ADGRE2: variants seen among roughly 807,000 people sequenced by gnomAD.
ADGRE2 encodes the protein CD97 antigen.
Under a neutral mutation model 100.8 loss-of-function variants are expected in ADGRE2, and 83 were observed. The observed-to-expected ratio is 0.82, with a 90% CI of 0.69 to 0.99. The LOEUF (loss-of-function observed/expected upper bound fraction) is 0.99. ADGRE2 is among the 50% of genes least tolerant of loss of function. The probability of loss-of-function intolerance (pLI) is 0.00; values close to 1 mark genes in which losing one functional copy is unlikely to be tolerated. For synonymous variants in ADGRE2, 355 were observed against 413.0 expected, an observed-to-expected ratio of 0.86 and a Z score of 1.70; for missense variants, 814 against 1,035.7, an observed-to-expected ratio of 0.79 and a Z score of 2.94.
Position 14,746,390 on chromosome 19 carries a change from T to TTTTTC in ADGRE2, c.2092-68_2092-67insGAAAA, listed in dbSNP as rs59231835. ...CCTGTTATCTCTTTTTTTTTTTTTT[T>TTTTTC]CAGACAGGGTCTTGCTCTGTTGCCC... On this transcript the variant is annotated intron_variant, in intron 17 of 20. Coordinates refer to ENST00000315576, the MANE Select transcript of ADGRE2 (RefSeq NM_013447.4). 1.2e-4 allele frequency: 101 copies of TTTTTC among 846,088 alleles called. 1 individual carries two copies. The African/African-American group carries it at 1.5e-3, about 12-fold the overall frequency. 52.4% of individuals were successfully genotyped at this position (846,088 alleles called of 1,614,324 possible).
At chr19:14,748,009 T>C (rs2043143420) in intron 16 of ADGRE2, among the ~76,000 whole-genome samples, 1 of 152,144 alleles carries the variant, frequency 6.6e-6, no homozygotes, top group Non-Finnish European at 1.5e-5. Context: ...CAGAGGTACA[T>C]TTTGTAGGTT....
In ADGRE2 at chr19:14,752,565, C is replaced by A. The variant is rs561221802; in HGVS notation, c.1591-39G>T. ...AAGAAGAGTTCACAGTGATGCTTTC[C>A]TGCTCTGGGGTAATGACCCCACCAC... On this transcript the variant is annotated intron_variant, in intron 14 of 20. Coordinates refer to ENST00000315576, the MANE Select transcript of ADGRE2 (RefSeq NM_013447.4). 5 of 1,603,064 alleles carry A rather than the reference C, an allele frequency of 3.1e-6. No homozygotes were observed. The South Asian group carries it at 5.6e-5, about 18-fold the overall frequency.
In ADGRE2 at chr19:14,755,011, G is replaced by A; in HGVS notation, c.1533C>T (p.Ile511=). The change falls in exon 14 of 21, where the codon ATC becomes ATT. Residue 511 remains isoleucine (I), a synonymous_variant. Coordinates refer to ENST00000315576, the MANE Select transcript of ADGRE2 (RefSeq NM_013447.4). ...AGCTGCTCAGGTGGGTGCAACGGCAGATGGTGCTGGTGTCTCTGGTGCCTA... is the reference window on the plus strand; with the variant it reads ...AGCTGCTCAGGTGGGTGCAACGGCAAATGGTGCTGGTGTCTCTGGTGCCTA... ...STIGTRDTST[I]CRCTHLSSFA... The A allele has an allele frequency of 6.2e-7, 1 of 1,614,188 alleles. No homozygotes were observed. The highest frequency in any genetic ancestry group is 1.1e-5 in the South Asian group (1 of 91,086).
chr19:14,727,461 C>G (rs2042641116), downstream of ADGRE2, among the ~76,000 whole-genome samples: 1 of 152,158 alleles, frequency 6.6e-6, no homozygotes, highest in African/African-American at 2.4e-5. Context: ...AGGCACATCA[C>G]ATAGTGAGAC....
At chr19:14,753,203 T>G (rs2043357674) in intron 14 of ADGRE2, among the ~76,000 whole-genome samples, 1 of 151,750 alleles carries the variant, frequency 6.6e-6, no homozygotes, top group African/African-American at 2.4e-5. Flanking sequence ...CCCGTTAGGT[T>G]TTGAAGGGAA....
intron 20 of ADGRE2, chr19:14,742,217 T>A: frequency 5.0e-6 from 2 of 396,190 alleles, no homozygotes; most frequent in Middle Eastern, 1.3e-3. Context: ...TTTAAAACTT[T>A]ATTTATTTAA....
At chr19:14,763,187 CA>C (rs2043791758) in intron 11 of ADGRE2, among the ~76,000 whole-genome samples, 1 of 151,676 alleles carries the variant, frequency 6.6e-6, no homozygotes, top group South Asian at 2.1e-4. Flanking sequence ...ACTAAAAATA[CA>C]AAAAATTAGC....
chr19:14,770,861 G>A (rs926766660), intron 5 of ADGRE2, among the ~76,000 whole-genome samples: 1 of 151,500 alleles, frequency 6.6e-6, no homozygotes, highest in Non-Finnish European at 1.5e-5. Context: ...GTATTTTTTA[G>A]TAGAGATGGG....
chr19:14,738,518 C>T (rs1283137538), intron 20 of ADGRE2, among the ~76,000 whole-genome samples: 1 of 152,082 alleles, frequency 6.6e-6, no homozygotes, highest in Non-Finnish European at 1.5e-5. Flanking sequence ...GCTGGGACTA[C>T]AGGCATGCAC....
At position 14,755,772 on chromosome 19, in the gene ADGRE2, T is replaced by G. The variant is rs781518962; in HGVS notation, c.1298A>C (p.His433Pro). The change falls in exon 13 of 21, where the codon CAC becomes CCC. Residue 433 changes from histidine (H) to proline (P), a missense_variant. By Grantham distance (77) the His-to-Pro change is moderately conservative. This residue lies in a region of ADGRE2 where 569 missense variants were observed against 692.7 expected (regional missense o/e 0.82). Coordinates refer to ENST00000315576, the MANE Select transcript of ADGRE2 (RefSeq NM_013447.4). The stretch of plus-strand genomic sequence containing the variant: ...GGAGCCGTCCTGCAGCAAGCCCTGG[T>G]GTGTCTCATGCAGAAGCATCTGCTT... ...PEKQMLLHET[H>P]QGLLQDGSPI... 1.9e-6 allele frequency: 3 copies of G among 1,614,054 alleles called. No individual in the cohort carries two copies. The African/African-American group carries it at 4.0e-5, about 22-fold the overall frequency.
intron 11 of ADGRE2, among the ~76,000 whole-genome samples, chr19:14,758,313 A>G (rs1030703279): frequency 1.3e-5 from 2 of 152,266 alleles, no homozygotes; most frequent in African/African-American, 4.8e-5. Context: ...AATGCTTACA[A>G]CTGGACAACC....
intron 11 of ADGRE2, among the ~76,000 whole-genome samples, chr19:14,762,993 G>C (rs2043783611): frequency 6.6e-6 from 1 of 152,146 alleles, no homozygotes; most frequent in Non-Finnish European, 1.5e-5. Flanking sequence ...TTGATGTTAT[G>C]TGAATTTTAT....
At chr19:14,770,682 T>TTC (rs1568623334) in intron 5 of ADGRE2, among the ~76,000 whole-genome samples, 3 of 126,732 alleles carry the variant, frequency 2.4e-5, no homozygotes, top group Admixed American at 8.2e-5. Flanking sequence ...TTTTTTTTTT[T>TTC]TTTTTTTTTT....
chr19:14,770,453 T>G (rs1464263345), intron 5 of ADGRE2, among the ~76,000 whole-genome samples: 3 of 152,036 alleles, frequency 2.0e-5, no homozygotes, highest in Non-Finnish European at 4.4e-5. Context: ...CCTCATGTAT[T>G]CCTTTATAGC....
intron 15 of ADGRE2, among the ~76,000 whole-genome samples, chr19:14,751,877 G>A (rs2524385): frequency 0.31 from 45,981 of 146,104 alleles, 7,658 homozygotes; most frequent in Middle Eastern, 0.4. Flanking sequence ...ATATATATAC[G>A]TGTATATATA....
chr19:14,751,520 A>G lies in ADGRE2; in HGVS notation c.1940T>C (p.Met647Thr), dbSNP rs374518362. Residue 647 changes from methionine (M) to threonine (T), a missense_variant, in exon 16 of 21, where the codon ATG becomes ACG. Transcript: ENST00000315576. ...TGGGACTCCGTAGCCCACAGGGAAC[A>G]TGAGCTTCTTCATGAATCTGTTGAT... ...SSINRFMKKL[M>T]FPVGYGVPAV... 3 of 1,614,020 alleles carry G rather than the reference A, an allele frequency of 1.9e-6. No individual in the cohort carries two copies. Among genetic ancestry groups the G allele is most frequent in the South Asian group, 1.1e-5 (1 of 91,082 alleles).
intron 5 of ADGRE2, among the ~76,000 whole-genome samples, chr19:14,770,673 T>C (rs1443692492): frequency 8.0e-6 from 1 of 125,382 alleles, no homozygotes; most frequent in East Asian, 2.4e-4. Flanking sequence ...TCTTTTCTTT[T>C]TTTTTTTTTT....
chr19:14,731,431 A>C, downstream of ADGRE2: 2 of 552,446 alleles, frequency 3.6e-6, no homozygotes, highest in Admixed American at 3.2e-5. Flanking sequence ...CCGCAAGGAG[A>C]CTAAGGCCTG....
rs752508886 is a variant in ADGRE2, at chr19:14,766,285, C to A, written c.584G>T (p.Trp195Leu). 2 of 1,614,060 alleles carry A rather than the reference C, an allele frequency of 1.2e-6. No homozygotes were observed. The highest frequency in any genetic ancestry group is 2.2e-5 in the South Asian group (2 of 91,080). The change falls in exon 7 of 21, where the codon TGG (tryptophan) becomes TTG (leucine). Residue 195 changes from tryptophan (W) to leucine (L), a missense_variant. By Grantham distance (61) the Trp-to-Leu change is moderately conservative (BLOSUM62 -2). Around this residue, in one of 5 missense-constraint regions of ADGRE2, gnomAD observed 69 missense variants for 75.3 expected, o/e 0.92. Transcript: ENST00000315576. ...GSYQCRCRPGWQPIPGSPNGP... is the reference protein window; with the variant it reads ...GSYQCRCRPGLQPIPGSPNGP... Reference sequence around the variant, plus strand: ...ATTGGGGGACCCCGGAATCGGTTGCCAGCCCGGGCGGCAGCGGCACTGATA... The same window carrying A: ...ATTGGGGGACCCCGGAATCGGTTGCAAGCCCGGGCGGCAGCGGCACTGATA...
Sources: allele counts gnomAD v4.1 joint callset (sites outside exome capture counted in the v4.1 genomes callset), GRCh38; gene constraint gnomAD v4.1.1; regional missense constraint gnomAD v4.1.1; transcripts MANE v1.5; gene names NCBI Gene and HGNC (gene_info 2026-07-23, HGNC 2026-07-21).